Variants in POGLUT2 observed in about 807,000 individuals in gnomAD.
The protein encoded by POGLUT2 is ER protein 58.
A neutral mutation model predicts 57.6 loss-of-function variants in POGLUT2; 47 were observed. The ratio of observed to expected loss-of-function variants is 0.82; its 90% CI spans 0.65 to 1.04. POGLUT2 has a LOEUF of 1.04. Ranked by LOEUF, POGLUT2 falls within the 50% of genes least tolerant of loss-of-function variation. The pLI is 0.00. For synonymous variants in POGLUT2, 200 were observed against 218.8 expected, an observed-to-expected ratio of 0.91 and a Z score of 0.76; for missense variants, 565 against 614.8, an observed-to-expected ratio of 0.92 and a Z score of 0.86.
chr13:102,792,783 C>T (rs1338021396), intron 4 of POGLUT2, among the ~76,000 whole-genome samples: 3 of 152,104 alleles, frequency 2.0e-5, no homozygotes, highest in African/African-American at 7.2e-5. Context: ...AGCTGGCCTC[C>T]TGACACTTTA....
chr13:102,792,929 C>T (rs1324468431), intron 4 of POGLUT2, among the ~76,000 whole-genome samples: 1 of 152,146 alleles, frequency 6.6e-6, no homozygotes, highest in African/African-American at 2.4e-5. Context: ...TTAGCTGAAA[C>T]TACTACAGGC....
chr13:102,798,546 T>C lies in POGLUT2; in HGVS notation c.125A>G (p.Asp42Gly). The C allele has an allele frequency of 6.2e-7, 1 of 1,612,896 alleles. No individual in the cohort carries two copies. The highest frequency in any genetic ancestry group is 8.5e-7 in the Non-Finnish European group (1 of 1,179,432). Residue 42 changes from aspartate (D) to glycine (G), a missense_variant, in exon 1 of 10, where the codon GAC becomes GGC. By Grantham distance (94) the Asp-to-Gly change is moderately conservative. Transcript: ENST00000376004. ...GAAATAGCGGGCGGGAAGGACGACG[T>C]CTGCTTTTAGCCCGGGTCCCCATAT... ...SEIWGPGLKA[D>G]VVLPARYFYI... is the part of the protein sequence containing the mutation.
intron 9 of POGLUT2, among the ~76,000 whole-genome samples, chr13:102,785,057 C>G (rs954136004): frequency 6.6e-6 from 1 of 152,142 alleles, no homozygotes; most frequent in African/African-American, 2.4e-5. Flanking sequence ...GGAGCACTGA[C>G]AGAGTTCACA....
rs773045878 is a variant in POGLUT2 at position 102,798,486 on chromosome 13, T to G, written c.182+3A>C. 12 of 1,567,950 alleles carry G rather than the reference T, an allele frequency of 7.7e-6. No homozygotes were observed. The highest frequency in any genetic ancestry group is 1.0e-5 in the Non-Finnish European group (12 of 1,155,062). On this transcript the variant is annotated splice_donor_region_variant and intron_variant, in intron 1 of 9. Coordinates refer to ENST00000376004, the MANE Select transcript of POGLUT2 (RefSeq NM_024089.3). ...ATAGGTAAGGAGCCGTTTCTCGACT[T>G]ACTTATTCCCTGATGTATCCACTGC...
At position 102,790,959 on chromosome 13, in the gene POGLUT2, T is replaced by C. The variant is rs773435371; in HGVS notation, c.1025A>G (p.His342Arg). Reference sequence around the variant, plus strand: ...AATGGGACCATACAGGTTTTCATCGTGTTTAAAGAAGAAAAAGTTGGTGAA... The same window carrying C: ...AATGGGACCATACAGGTTTTCATCGCGTTTAAAGAAGAAAAAGTTGGTGAA... Reference protein sequence around the residue: ...AAFTNFFFFKHDENLYGPIVK... With the variant: ...AAFTNFFFFKRDENLYGPIVK... The change falls in exon 6 of 10, where the codon CAC becomes CGC. Residue 342 changes from histidine (H) to arginine (R), a missense_variant. Transcript: ENST00000376004. 1.4e-5 allele frequency: 23 copies of C among 1,614,070 alleles called. No individual in the cohort carries two copies. In the East Asian group the frequency reaches 5.1e-4, roughly 36 times the overall value.
At chr13:102,793,241 A>C in intron 4 of POGLUT2, 100 bp downstream of exon 4, 2 of 673,560 alleles carry the variant, frequency 3.0e-6, no homozygotes, top group Non-Finnish European at 5.2e-6. Flanking sequence ...AGGCTCCAGA[A>C]GAGAATACCC....
Position 102,784,453 on chromosome 13 carries a change from G to A in POGLUT2, c.*42C>T, listed in dbSNP as rs1486680203. 7.7e-7 allele frequency: 1 copy of A among 1,290,952 alleles called. No individual in the cohort carries two copies. The highest frequency in any genetic ancestry group is 2.3e-5 in the East Asian group (1 of 43,252). 80.0% of individuals were successfully genotyped at this position (1,290,952 alleles called of 1,614,324 possible). ...AAATTCTTCTTTTTAGTTAAGAAGA[G>A]TCTTCAGAGCACCATTATTCTAATA... On this transcript the variant is annotated 3_prime_UTR_variant, in exon 10 of 10. Transcript: ENST00000376004.
At position 102,790,885 on chromosome 13, in the gene POGLUT2, A is replaced by G. The variant is rs1319583832; in HGVS notation, c.1083+16T>C. 2.7e-6 allele frequency: 4 copies of G among 1,469,480 alleles called. No homozygotes were observed. Among genetic ancestry groups the G allele is most frequent in the Non-Finnish European group, 2.9e-6 (3 of 1,049,132 alleles). The allele number at this position is 1,469,480 out of a possible 1,614,324, so 91.0% of individuals were successfully genotyped here. ...ATTAGAAAAACAAAAAAGATTAGCT[A>G]CTGATTAAGTCATACCTTGAAGAAA... On this transcript the variant is annotated intron_variant, in intron 6 of 9. Transcript: ENST00000376004.
Position 102,793,332 on chromosome 13 carries a change from T to C in POGLUT2, c.672+9A>G, listed in dbSNP as rs1878255666. ...TATCTATTACAGCTAAGAGAAAATA[T>C]ATACTTACCTTTCTAGTCAAAGAAA... On this transcript the variant is annotated intron_variant, in intron 4 of 9. Transcript: ENST00000376004. 1.4e-6 allele frequency: 2 copies of C among 1,427,368 alleles called. No homozygotes were observed. The highest frequency in any genetic ancestry group is 1.4e-5 in the African/African-American group (1 of 70,454). 88.4% of individuals were successfully genotyped at this position (1,427,368 alleles called of 1,614,324 possible).
chr13:102,790,760 C>A (rs941471236), intron 6 of POGLUT2, 141 bp downstream of exon 6: 5 of 640,844 alleles, frequency 7.8e-6, no homozygotes, highest in African/African-American at 5.5e-5. Flanking sequence ...GTCCCCAGCA[C>A]CCCCATGTCT....
chr13:102,788,198 C>T (rs1365169071), intron 7 of POGLUT2, among the ~76,000 whole-genome samples: 1 of 152,246 alleles, frequency 6.6e-6, no homozygotes, highest in African/African-American at 2.4e-5. Flanking sequence ...AAACTGATGA[C>T]TTTGTAAACG....
At chr13:102,793,875 A>G in intron 2 of POGLUT2, 69 bp from the exon 3 acceptor site, 15 of 1,334,358 alleles carry the variant, frequency 1.1e-5, no homozygotes, top group Non-Finnish European at 1.6e-5. Flanking sequence ...TGTAATAAAC[A>G]TCTATAATGT....
chr13:102,784,492 A>G lies in POGLUT2; in HGVS notation c.*3T>C, dbSNP rs780276855. ...ATTATTCTAATAGAAGTTATTTTGCATATCAGAGTTCATCTTTGGTCTGCA... is the reference window on the plus strand; with the variant it reads ...ATTATTCTAATAGAAGTTATTTTGCGTATCAGAGTTCATCTTTGGTCTGCA... On this transcript the variant is annotated 3_prime_UTR_variant, in exon 10 of 10. Transcript: ENST00000376004. 2.6e-6 allele frequency: 4 copies of G among 1,541,140 alleles called. No homozygotes were observed. The highest frequency in any genetic ancestry group is 1.8e-5 in the Admixed American group (1 of 55,402).
intron 9 of POGLUT2, among the ~76,000 whole-genome samples, chr13:102,784,760 G>A (rs912714485): frequency 3.3e-5 from 5 of 152,148 alleles, no homozygotes; most frequent in African/African-American, 9.7e-5. Context: ...CTCATGTTAT[G>A]AACAGTAGTG....
intron 4 of POGLUT2, chr13:102,791,915 G>A: frequency 1.9e-6 from 2 of 1,032,452 alleles, no homozygotes; most frequent in South Asian, 1.3e-5. Flanking sequence ...AAGAGGATAT[G>A]TTTTATCTAG....
chr13:102,785,451 TACACAC>T (rs56102018), intron 9 of POGLUT2, among the ~76,000 whole-genome samples: 73,482 of 148,318 alleles, frequency 0.5, 19,490 homozygotes, highest in Non-Finnish European at 0.6. Flanking sequence ...CAGCATATGT[TACACAC>T]ACACACACAC....
chr13:102,788,994 C>A lies in POGLUT2; in HGVS notation c.1293+18G>T. 1 of 1,601,936 alleles carries A rather than the reference C, an allele frequency of 6.2e-7. No individual in the cohort carries two copies. Among genetic ancestry groups the A allele is most frequent in the Non-Finnish European group, 8.5e-7 (1 of 1,169,900 alleles). ...TGGGAAACAAGTGGAAATAAGCCTT[C>A]AAGGGGACTAACCTTACCTCTTCAT... On this transcript the variant is annotated intron_variant, in intron 7 of 9. Transcript: ENST00000376004.
Position 102,786,240 on chromosome 13 carries a change from T to A in POGLUT2, c.1483A>T (p.Arg495Trp). ...EDDLFPCTCH[R>W]KKTKDEL ...AGCTCAGTTCTGGTTACCTTTTTCCTATGGCAAGTACAAGGGAAGAGGTCG... is the reference window on the plus strand; with the variant it reads ...AGCTCAGTTCTGGTTACCTTTTTCCAATGGCAAGTACAAGGGAAGAGGTCG... The change falls in exon 9 of 10, where the codon AGG becomes TGG. Residue 495 changes from arginine to tryptophan, a missense_variant. Coordinates refer to ENST00000376004, the MANE Select transcript of POGLUT2 (RefSeq NM_024089.3). The A allele has an allele frequency of 6.2e-7, 1 of 1,608,686 alleles. No individual in the cohort carries two copies. The highest frequency in any genetic ancestry group is 1.1e-5 in the South Asian group (1 of 90,928).
intron 8 of POGLUT2, among the ~76,000 whole-genome samples, chr13:102,787,045 T>G (rs1033823601): frequency 1.4e-4 from 21 of 151,038 alleles, no homozygotes; most frequent in African/African-American, 2.7e-4. Flanking sequence ...TTTTTTTTTT[T>G]TTGTTTGTTT....
Sources: allele counts gnomAD v4.1 joint callset (sites outside exome capture counted in the v4.1 genomes callset), GRCh38; gene constraint gnomAD v4.1.1; transcripts MANE v1.5; gene names NCBI Gene and HGNC (gene_info 2026-07-23, HGNC 2026-07-21).